The following MFHAS1 variants were observed in gnomAD, a reference collection of about 807,000 sequenced individuals.
MFHAS1 encodes multifunctional ROCO family signaling regulator 1.
Under a neutral mutation model 70.4 loss-of-function variants are expected in MFHAS1, and 50 were observed. That is an observed-to-expected ratio of 0.71 (90% CI 0.57 to 0.90). The LOEUF (loss-of-function observed/expected upper bound fraction) is 0.90. Among genes scored for constraint, MFHAS1 ranks in the 40% least tolerant of loss-of-function variants. The pLI is 0.00. For missense variants in MFHAS1, 1,795 were observed against 1,347.6 expected, an observed-to-expected ratio of 1.33 and a Z score of -5.20; for synonymous variants, 952 against 620.0, an observed-to-expected ratio of 1.54 and a Z score of -7.96.
chr8:8,881,286 T>C (rs761162921), intron 1 of MFHAS1, among the ~76,000 whole-genome samples: 11 of 152,204 alleles, frequency 7.2e-5, no homozygotes, highest in Admixed American at 6.5e-4. Flanking sequence ...AATGTTTCCT[T>C]CTTGGTCTCC....
At chr8:8,878,385 C>T (rs1355345942) in intron 1 of MFHAS1, among the ~76,000 whole-genome samples, 1 of 152,070 alleles carries the variant, frequency 6.6e-6, no homozygotes, top group Non-Finnish European at 1.5e-5. Context: ...ATACCTACTT[C>T]CTAGGGCTGC....
chr8:8,805,557 T>C (rs1012400180), intron 1 of MFHAS1, among the ~76,000 whole-genome samples: 1 of 151,832 alleles, frequency 6.6e-6, no homozygotes, highest in Non-Finnish European at 1.5e-5. Context: ...AGAGGAGGGG[T>C]TGGTCTGGTT....
At position 8,892,615 on chromosome 8, in the gene MFHAS1, G is replaced by A. The variant is rs151297285; in HGVS notation, c.444C>T (p.Pro148=). ...GAGCGCCCAGCTGGGCGGGCAGGGCGGGCAGCTGGTTGTGGCTGAGGTTGA... is the reference window on the plus strand; with the variant it reads ...GAGCGCCCAGCTGGGCGGGCAGGGCAGGCAGCTGGTTGTGGCTGAGGTTGA... ...RKLNLSHNQL[P]ALPAQLGALA... is the part of the protein sequence containing the mutation. Residue 148 remains proline (P), a synonymous_variant, in exon 1 of 3, where the codon CCC becomes CCT. Transcript: ENST00000276282. This position sits in a 1 kb window ranked among gnomAD's most constrained non-coding sequence, Gnocchi z 4.7. 9 of 1,607,946 alleles carry A rather than the reference G, an allele frequency of 5.6e-6. No homozygotes were observed. In the African/African-American group the frequency reaches 1.1e-4, roughly 19 times the overall value.
At chr8:8,789,461 A>C (rs1805656421) in intron 2 of MFHAS1, among the ~76,000 whole-genome samples, 2 of 152,142 alleles carry the variant, frequency 1.3e-5, no homozygotes, top group African/African-American at 4.8e-5. Flanking sequence ...CTGGGGCTGA[A>C]GGGAGGGTCC....
intron 1 of MFHAS1, among the ~76,000 whole-genome samples, chr8:8,811,875 G>A (rs1375125032): frequency 6.6e-6 from 1 of 152,166 alleles, no homozygotes; most frequent in Non-Finnish European, 1.5e-5. Context: ...AGGCTGCGGG[G>A]GCCAGAGTCC....
rs372149150 is a variant in MFHAS1, at chr8:8,808,564, A to T, written c.2999-11073T>A. 5.3e-5 allele frequency among the ~76,000 whole-genome samples: 8 copies of T among 152,284 alleles called. No homozygotes were observed. The East Asian group carries it at 1.3e-3, about 26-fold the overall frequency. On this transcript the variant is annotated intron_variant, in intron 1 of 2. Coordinates refer to ENST00000276282, the MANE Select transcript of MFHAS1 (RefSeq NM_004225.3). ...CTTGACTTAATAAGGAAAGAAAAAA[A>T]ATTGCATGCTGAAATTACCAGATCT...
At chr8:8,841,640 A>G (rs1228829089) in intron 1 of MFHAS1, among the ~76,000 whole-genome samples, 1 of 152,124 alleles carries the variant, frequency 6.6e-6, no homozygotes, top group Non-Finnish European at 1.5e-5. Flanking sequence ...GGCAATGGTA[A>G]GGCCAAAAGG....
At chr8:8,857,563 C>T (rs1324712955) in intron 1 of MFHAS1, among the ~76,000 whole-genome samples, 3 of 152,060 alleles carry the variant, frequency 2.0e-5, no homozygotes, top group African/African-American at 7.2e-5. Context: ...TCGAGACCAG[C>T]CTGGCCAATA....
chr8:8,867,634 CAA>C (rs1808912033), intron 1 of MFHAS1, among the ~76,000 whole-genome samples: 2 of 151,668 alleles, frequency 1.3e-5, no homozygotes, highest in South Asian at 2.1e-4. Flanking sequence ...CTCGGCTCAC[CAA>C]AAGCTCCGCC....
intron 2 of MFHAS1, chr8:8,790,432 T>C: frequency 1.0e-6 from 1 of 960,038 alleles, no homozygotes; most frequent in Non-Finnish European, 1.2e-6. Flanking sequence ...AGTATGAAGA[T>C]ACCTAAGCAG....
chr8:8,787,446 T>C (rs1375847669), intron 2 of MFHAS1, among the ~76,000 whole-genome samples: 1 of 152,124 alleles, frequency 6.6e-6, no homozygotes, highest in Non-Finnish European at 1.5e-5. Context: ...GGGTGCATAC[T>C]AGCGAGTGAC....
rs577105355 is a variant in MFHAS1 at position 8,874,290 on chromosome 8, T to C, written c.2998+15771A>G. Among the ~76,000 whole-genome samples the C allele has an allele frequency of 2.0e-3, 307 of 151,804 alleles. 2 individuals are homozygous for C. Among genetic ancestry groups the C allele is most frequent in the African/African-American group, 7.2e-3 (298 of 41,410 alleles). On this transcript the variant is annotated intron_variant, in intron 1 of 2. Coordinates refer to ENST00000276282, the MANE Select transcript of MFHAS1 (RefSeq NM_004225.3). ...TGTGACTGAACAATACATCCATTGG[T>C]AGACTACTATGCTATATTTGTAGGA...
chr8:8,806,378 G>T (rs1317285625), intron 1 of MFHAS1, among the ~76,000 whole-genome samples: 3 of 152,190 alleles, frequency 2.0e-5, no homozygotes, highest in Middle Eastern at 6.8e-3. Flanking sequence ...AAACATCCAG[G>T]GCCAGCAAGT....
chr8:8,810,930 C>T (rs1008438187), intron 1 of MFHAS1, among the ~76,000 whole-genome samples: 10 of 152,136 alleles, frequency 6.6e-5, no homozygotes, highest in African/African-American at 2.4e-4. Context: ...GAGCTGAGGC[C>T]TCCCTGAAGA....
chr8:8,840,399 G>T (rs1425990594), intron 1 of MFHAS1, among the ~76,000 whole-genome samples: 1 of 149,860 alleles, frequency 6.7e-6, no homozygotes, highest in Non-Finnish European at 1.5e-5. Context: ...GGAGCTTGCA[G>T]TGAGCCGAGA....
chr8:8,837,439 C>T (rs1458154847), intron 1 of MFHAS1, among the ~76,000 whole-genome samples: 3 of 152,092 alleles, frequency 2.0e-5, no homozygotes, highest in Non-Finnish European at 2.9e-5. Context: ...ATCAGGAGTT[C>T]GAAACCAGTC....
chr8:8,821,570 T>G (rs1381014563), intron 1 of MFHAS1, among the ~76,000 whole-genome samples: 2 of 152,186 alleles, frequency 1.3e-5, no homozygotes, highest in Admixed American at 6.5e-5. Flanking sequence ...TCACATTTTC[T>G]TAAAAGGTGG....
rs771590776 is a variant in MFHAS1 at position 8,890,872 on chromosome 8, G to C, written c.2187C>G (p.Asn729Lys). 1 of 1,614,120 alleles carries C rather than the reference G, an allele frequency of 6.2e-7. No individual in the cohort carries two copies. Among genetic ancestry groups the C allele is most frequent in the South Asian group, 1.1e-5 (1 of 91,088 alleles). The change falls in exon 1 of 3, where the codon AAC (asparagine) becomes AAG (lysine). Residue 729 changes from asparagine (N) to lysine (K), a missense_variant. By Grantham distance (94) the Asn-to-Lys change is moderately conservative. Coordinates refer to ENST00000276282, the MANE Select transcript of MFHAS1 (RefSeq NM_004225.3). ...SPALKEHVFH[N>K]LTRLIDILNV... ...TGAGGATGTCGATGAGGCGGGTGAG[G>C]TTGTGGAAGACGTGCTCCTTGAGAG... is the stretch of plus-strand genomic sequence containing the variant.
At chr8:8,828,262 C>G (rs1807237694) in intron 1 of MFHAS1, among the ~76,000 whole-genome samples, 2 of 152,176 alleles carry the variant, frequency 1.3e-5, no homozygotes, top group East Asian at 1.9e-4. Context: ...AAGCATGGAG[C>G]AACAGGAACT....
Sources: allele counts gnomAD v4.1 joint callset (sites outside exome capture counted in the v4.1 genomes callset), GRCh38; gene constraint gnomAD v4.1.1; non-coding constraint Gnocchi (gnomAD v3.1); transcripts MANE v1.5; gene names NCBI Gene and HGNC (gene_info 2026-07-23, HGNC 2026-07-21).